COL22A1: variants seen among roughly 807,000 people sequenced by gnomAD.
COL22A1 encodes collagen alpha-1(XXII) chain.
Under a neutral mutation model 248.9 loss-of-function variants are expected in COL22A1, and 221 were observed. The ratio of observed to expected loss-of-function variants is 0.89; its 90% CI spans 0.80 to 0.99. The LOEUF (loss-of-function observed/expected upper bound fraction) is 0.99. COL22A1 is among the 50% of genes least tolerant of loss of function. COL22A1 has a pLI of 0.00. For synonymous variants in COL22A1, 891 were observed against 793.4 expected (o/e 1.12, Z -2.07); for missense variants, 2,240 against 2,179.0 (o/e 1.03, Z -0.56).
chr8:138,839,138 G>A (rs1322068855), intron 4 of COL22A1, among the ~76,000 whole-genome samples: 4 of 152,184 alleles, frequency 2.6e-5, no homozygotes, highest in African/African-American at 7.2e-5. Flanking sequence ...TGCTTTTGCT[G>A]TTCCTATTCA....
intron 30 of COL22A1, among the ~76,000 whole-genome samples, chr8:138,707,111 A>G (rs924127682): frequency 6.6e-5 from 10 of 152,170 alleles, no homozygotes; most frequent in Non-Finnish European, 1.3e-4. Flanking sequence ...CCTGAATAGA[A>G]CAATAACAGG....
At chr8:138,852,700 G>A (rs1424659462) in intron 3 of COL22A1, among the ~76,000 whole-genome samples, 1 of 152,168 alleles carries the variant, frequency 6.6e-6, no homozygotes, top group Non-Finnish European at 1.5e-5. Flanking sequence ...GAAATGCGGG[G>A]GATGAGGAGT....
intron 6 of COL22A1, 64 bp from the exon 7 acceptor site, chr8:138,821,475 G>A (rs1443722739): frequency 1.3e-6 from 2 of 1,524,594 alleles, no homozygotes; most frequent in Non-Finnish European, 1.8e-6. Context: ...GAGAGAATGG[G>A]AAACGGGAGT....
chr8:138,783,911 A>G (rs947711485), intron 12 of COL22A1, among the ~76,000 whole-genome samples: 4 of 152,150 alleles, frequency 2.6e-5, no homozygotes, highest in African/African-American at 9.7e-5. Context: ...ACCCTTTTCA[A>G]GGGCATGGAA....
chr8:138,835,724 AC>A (rs1820380482), intron 4 of COL22A1, among the ~76,000 whole-genome samples: 1 of 152,162 alleles, frequency 6.6e-6, no homozygotes. Context: ...TGGACCAGAT[AC>A]CCAGATACTC....
At position 138,710,015 on chromosome 8, in the gene COL22A1, G is replaced by A. The variant is rs538100978; in HGVS notation, c.2517+5667C>T. On this transcript the variant is annotated intron_variant, in intron 30 of 64. Coordinates refer to ENST00000303045, the MANE Select transcript of COL22A1 (RefSeq NM_152888.3). ...TTCTCAGGAACCTGGGGGGAACAGT[G>A]TTACATTCCTATAAGCAACACAGGC... is the stretch of plus-strand genomic sequence containing the variant. 4.5e-4 allele frequency among the ~76,000 whole-genome samples: 68 copies of A among 152,280 alleles called. 1 individual carries two copies. The highest frequency in any genetic ancestry group is 6.8e-3 in the Middle Eastern group (2 of 294).
Position 138,802,871 on chromosome 8 carries a change from C to T in COL22A1, c.1557+1G>A. 1 of 1,613,154 alleles carries T rather than the reference C, an allele frequency of 6.2e-7. No homozygotes were observed. Among genetic ancestry groups the T allele is most frequent in the Non-Finnish European group, 8.5e-7 (1 of 1,179,132 alleles). On this transcript the variant is annotated splice_donor_variant, in intron 11 of 64. Coordinates refer to ENST00000303045, the MANE Select transcript of COL22A1 (RefSeq NM_152888.3). LOFTEE classifies it high-confidence loss of function. ...ATGTAGAGGAGCAGCCATCTACTCACCACATCACCTTTCTCTCCCTTAGGT... is the reference window on the plus strand; with the variant it reads ...ATGTAGAGGAGCAGCCATCTACTCATCACATCACCTTTCTCTCCCTTAGGT...
chr8:138,627,611 CTGAAACTT>C (rs2131980467), intron 50 of COL22A1, among the ~76,000 whole-genome samples: 1 of 152,278 alleles, frequency 6.6e-6, no homozygotes, highest in South Asian at 2.1e-4. Context: ...GGCAGAGAGG[CTGAAACTT>C]AAAACATGGT....
At chr8:138,634,894 G>T in intron 49 of COL22A1, 116 bp downstream of exon 49, 1 of 772,420 alleles carries the variant, frequency 1.3e-6, no homozygotes, top group East Asian at 2.7e-5. Context: ...CCTTTTGGGT[G>T]TTGGGCCATC....
intron 63 of COL22A1, among the ~76,000 whole-genome samples, chr8:138,593,061 T>C (rs1433470497): frequency 6.6e-6 from 1 of 152,114 alleles, no homozygotes; most frequent in Non-Finnish European, 1.5e-5. Context: ...GTTCATGTCC[T>C]TTGCAGGAAC....
intron 59 of COL22A1, among the ~76,000 whole-genome samples, chr8:138,603,131 C>T (rs1029689516): frequency 1.3e-5 from 2 of 152,194 alleles, no homozygotes; most frequent in Non-Finnish European, 2.9e-5. Flanking sequence ...GCCCCAGAAA[C>T]ATTCATCGCA....
intron 30 of COL22A1, among the ~76,000 whole-genome samples, chr8:138,706,794 G>A (rs182710791): frequency 4.1e-4 from 63 of 152,262 alleles, no homozygotes; most frequent in Non-Finnish European, 6.6e-4. Flanking sequence ...GGTCAGAGCA[G>A]AACTGAAGGA....
intron 3 of COL22A1, among the ~76,000 whole-genome samples, chr8:138,850,224 C>G (rs956585393): frequency 6.6e-6 from 1 of 152,178 alleles, no homozygotes; most frequent in Non-Finnish European, 1.5e-5. Context: ...CACCAGCTGC[C>G]TCCCCAGAAG....
rs115932344 is a variant in COL22A1 at position 138,747,824 on chromosome 8, G to A, written c.2085+3634C>T. On this transcript the variant is annotated intron_variant, in intron 22 of 64. Coordinates refer to ENST00000303045, the MANE Select transcript of COL22A1 (RefSeq NM_152888.3). ...GGAAGGAAAGGTGAGAAGAAAAGGG[G>A]CAGGAGGGAATAAAAGCAAGTAAAA... Among the ~76,000 whole-genome samples, 1,299 of 152,262 alleles carry A rather than the reference G, an allele frequency of 8.5e-3. 25 individuals carry two copies. The highest frequency in any genetic ancestry group is 0.03 in the African/African-American group (1,250 of 41,544).
At chr8:138,776,858 C>A (rs1814509101) in intron 15 of COL22A1, among the ~76,000 whole-genome samples, 1 of 152,144 alleles carries the variant, frequency 6.6e-6, no homozygotes. Context: ...CTGTGTCGAT[C>A]CCTCGTTTGG....
chr8:138,667,038 C>G (rs1400103746), intron 41 of COL22A1, among the ~76,000 whole-genome samples: 1 of 152,074 alleles, frequency 6.6e-6, no homozygotes, highest in African/African-American at 2.4e-5. Flanking sequence ...CAGGCAGTGC[C>G]CAACCATAAA....
At chr8:138,833,403 G>A (rs1314097379) in intron 4 of COL22A1, among the ~76,000 whole-genome samples, 3 of 152,234 alleles carry the variant, frequency 2.0e-5, no homozygotes, top group Non-Finnish European at 4.4e-5. Context: ...GAAAATGTGT[G>A]TGCATGTGGT....
chr8:138,676,639 G>A lies in COL22A1; in HGVS notation c.3073-4C>T. 2 of 1,555,980 alleles carry A rather than the reference G, an allele frequency of 1.3e-6. No homozygotes were observed. The highest frequency in any genetic ancestry group is 1.7e-6 in the Non-Finnish European group (2 of 1,148,156). On this transcript the variant is annotated splice_polypyrimidine_tract_variant and splice_region_variant and intron_variant, in intron 40 of 64. Coordinates refer to ENST00000303045, the MANE Select transcript of COL22A1 (RefSeq NM_152888.3). ...TCCCAGGAGCTCCTCGATCCCCCTA[G>A]AAAGAGAGAAAAATAAGATCAAGGA... is the stretch of plus-strand genomic sequence containing the variant.
chr8:138,745,263 C>T (rs1444323333), intron 22 of COL22A1, among the ~76,000 whole-genome samples: 4 of 151,636 alleles, frequency 2.6e-5, no homozygotes, highest in African/African-American at 9.7e-5. Context: ...CTCAGTGCTA[C>T]AGAGCAAGGC....
Sources: gnomAD v4.1 joint callset for allele counts (sites outside exome capture counted in the v4.1 genomes callset) on GRCh38, gnomAD v4.1.1 for gene constraint, MANE v1.5 for transcripts, NCBI Gene and HGNC (gene_info 2026-07-23, HGNC 2026-07-21) for gene names.